The following PCNX2 variants were observed in gnomAD, a reference collection of about 807,000 sequenced individuals.
PCNX2 encodes pecanex-like protein 2.
A neutral mutation model predicts 223.8 loss-of-function variants in PCNX2; 168 were observed. The ratio of observed to expected loss-of-function variants is 0.75; its 90% CI spans 0.66 to 0.85. The LOEUF is 0.85. PCNX2 is among the 40% of genes least tolerant of loss of function. The pLI is 0.00. For missense variants in PCNX2, 2,507 were observed against 2,675.5 expected, an observed-to-expected ratio of 0.94 and a Z score of 1.39; for synonymous variants, 1,006 against 1,052.6, an observed-to-expected ratio of 0.96 and a Z score of 0.86.
At chr1:233,072,821 A>G (rs6684705) in intron 23 of PCNX2, among the ~76,000 whole-genome samples, 59,218 of 151,982 alleles carry the variant, frequency 0.39, 13,490 homozygotes, top group African/African-American at 0.63. Flanking sequence ...ATTCATAAGA[A>G]AAATTGGTCT....
At chr1:233,198,812 A>T in intron 15 of PCNX2, 127 bp downstream of exon 15, 2 of 962,368 alleles carry the variant, frequency 2.1e-6, no homozygotes, top group Non-Finnish European at 1.6e-6. Context: ...ACTCAGCCAC[A>T]CAGTCACTCC....
At chr1:233,318,165 C>T in the PCNX2 span, among the ~76,000 whole-genome samples, 6 of 152,154 alleles carry the variant, frequency 3.9e-5, no homozygotes, top group Non-Finnish European at 7.3e-5. Flanking sequence ...TCCTATTGAG[C>T]TACTAATAAT....
At chr1:233,023,843 A>G (rs961976510) in intron 26 of PCNX2, among the ~76,000 whole-genome samples, 2 of 152,228 alleles carry the variant, frequency 1.3e-5, no homozygotes, top group Non-Finnish European at 2.9e-5. Flanking sequence ...TTGTGTAGCA[A>G]TCACCTAGGG....
At chr1:233,216,999 G>GA (rs1370340242) in intron 12 of PCNX2, among the ~76,000 whole-genome samples, 1 of 152,140 alleles carries the variant, frequency 6.6e-6, no homozygotes, top group African/African-American at 2.4e-5. Context: ...CTTACATGTG[G>GA]AATCTAAAAA....
chr1:233,032,550 C>G (rs1228715659), intron 25 of PCNX2, among the ~76,000 whole-genome samples: 3 of 151,758 alleles, frequency 2.0e-5, no homozygotes, highest in Non-Finnish European at 4.4e-5. Context: ...TCCAGTTCTA[C>G]CATTTATCAC....
At position 233,258,559 on chromosome 1, in the gene PCNX2, G is replaced by T. The variant is rs1240888156; in HGVS notation, c.1303C>A (p.Leu435Met). 3.1e-6 allele frequency: 5 copies of T among 1,613,858 alleles called. No individual in the cohort carries two copies. Among genetic ancestry groups the T allele is most frequent in the Admixed American group, 3.3e-5 (2 of 60,006 alleles). ...QISIPVITLDLPEGGGGGVPC... is the reference protein window; with the variant it reads ...QISIPVITLDMPEGGGGGVPC... Reference sequence around the variant, plus strand: ...ACACCTCCTCCCCCACCCTCAGGCAGGTCCAGGGTGATTACAGGAATTGAG... The same window carrying T: ...ACACCTCCTCCCCCACCCTCAGGCATGTCCAGGGTGATTACAGGAATTGAG... Residue 435 changes from leucine to methionine, a missense_variant, in exon 5 of 34, where the codon CTG becomes ATG. Leu to Met is a conservative substitution (Grantham distance 15). Around this residue, in one of 3 missense-constraint regions of PCNX2, gnomAD observed 1,031 missense variants for 1,021.7 expected, o/e 1.01. Coordinates refer to ENST00000258229, the MANE Select transcript of PCNX2 (RefSeq NM_014801.4).
chr1:233,181,025 GCAC>G (rs1679766749), intron 15 of PCNX2: 1 of 152,128 alleles, frequency 6.6e-6, no homozygotes, highest in Non-Finnish European at 1.5e-5. Context: ...GAGGCATCCT[GCAC>G]GGACCTCTTC....
At chr1:233,173,971 AATC>A (rs1362838265) in intron 17 of PCNX2, among the ~76,000 whole-genome samples, 5 of 150,492 alleles carry the variant, frequency 3.3e-5, no homozygotes, top group African/African-American at 7.3e-5. Flanking sequence ...TACACATATA[AATC>A]ATCATTTTTT....
intron 1 of PCNX2, among the ~76,000 whole-genome samples, chr1:233,285,538 G>C (rs1455730135): frequency 6.6e-6 from 1 of 152,018 alleles, no homozygotes; most frequent in Non-Finnish European, 1.5e-5. Context: ...AGCCGGGCGT[G>C]GTGGTGCATG....
At chr1:233,176,968 T>C (rs928042805) in intron 17 of PCNX2, among the ~76,000 whole-genome samples, 1 of 151,988 alleles carries the variant, frequency 6.6e-6, no homozygotes, top group African/African-American at 2.4e-5. Context: ...GCCGAGATCA[T>C]GCCACTGCAC....
chr1:233,041,727 C>A (rs1671651845), intron 25 of PCNX2, among the ~76,000 whole-genome samples: 1 of 152,210 alleles, frequency 6.6e-6, no homozygotes, highest in Admixed American at 6.5e-5. Flanking sequence ...ACAGTTACCC[C>A]AGACACAGTA....
chr1:233,250,436 T>C (rs1659386246), intron 8 of PCNX2: 1 of 580,660 alleles, frequency 1.7e-6, no homozygotes, highest in African/African-American at 2.0e-5. Context: ...AATAATGTGT[T>C]TGAGAGCTGT....
upstream of PCNX2, among the ~76,000 whole-genome samples, chr1:233,296,243 CG>C (rs1662113725): frequency 6.6e-6 from 1 of 152,158 alleles, no homozygotes; most frequent in Non-Finnish European, 1.5e-5. Flanking sequence ...TGACCCCAGA[CG>C]TTCTATTAAT....
chr1:233,262,047 A>G lies in PCNX2; in HGVS notation c.478T>C (p.Leu160=), dbSNP rs752895048. The G allele has an allele frequency of 3.7e-6, 6 of 1,613,272 alleles. No homozygotes were observed. Among genetic ancestry groups the G allele is most frequent in the Admixed American group, 1.7e-5 (1 of 59,992 alleles). The change falls in exon 3 of 34, where the codon TTG becomes CTG. Residue 160 remains leucine, a splice_region_variant and synonymous_variant. Coordinates refer to ENST00000258229, the MANE Select transcript of PCNX2 (RefSeq NM_014801.4). ...SITSHHSSGP[L]ELSAQETVED... is the part of the protein sequence containing the mutation. ...AAACAGGAAAGAAGACCACTAACCA[A>G]TGGCCCAGAAGAGTGATGAGAGGTT...
At chr1:233,210,011 T>C (rs190213566) in intron 12 of PCNX2, among the ~76,000 whole-genome samples, 86 of 152,356 alleles carry the variant, frequency 5.6e-4, no homozygotes, top group Middle Eastern at 3.4e-3. Context: ...CTGATTTTTT[T>C]TCTTTGATTA....
intron 25 of PCNX2, among the ~76,000 whole-genome samples, chr1:233,043,977 C>A (rs1671738123): frequency 6.6e-6 from 1 of 151,828 alleles, no homozygotes; most frequent in African/African-American, 2.4e-5. Context: ...CCTGAGGAAT[C>A]CCCACACTGA....
chr1:233,231,013 T>C (rs962499268), intron 9 of PCNX2, among the ~76,000 whole-genome samples: 3 of 152,144 alleles, frequency 2.0e-5, no homozygotes, highest in Non-Finnish European at 4.4e-5. Flanking sequence ...CACCAACTAG[T>C]AAAGTCATAA....
At position 233,112,714 on chromosome 1, in the gene PCNX2, C is replaced by CGCCG; in HGVS notation, c.3838-16852_3838-16851insCGGC. On this transcript the variant is annotated intron_variant, in intron 21 of 33. Coordinates refer to ENST00000258229, the MANE Select transcript of PCNX2 (RefSeq NM_014801.4). ...GAATGTGTCTGTGTAGATCTTTGAA[C>CGCCG]AATATAACTAAATTCACATATTTAT... 14 of 617,988 alleles carry CGCCG rather than the reference C, an allele frequency of 2.3e-5. No homozygotes were observed. The South Asian group carries it at 3.0e-4, about 13-fold the overall frequency. 38.3% of individuals were successfully genotyped at this position (617,988 alleles called of 1,614,324 possible).
At chr1:233,093,844 T>C (rs1250540242) in intron 22 of PCNX2, among the ~76,000 whole-genome samples, 1 of 152,158 alleles carries the variant, frequency 6.6e-6, no homozygotes, top group Non-Finnish European at 1.5e-5. Flanking sequence ...CCCAATAAAA[T>C]CTGCATCTCG....
Sources: gnomAD v4.1 joint callset for allele counts (sites outside exome capture counted in the v4.1 genomes callset) on GRCh38, gnomAD v4.1.1 for gene constraint, gnomAD v4.1.1 regional missense constraint, MANE v1.5 for transcripts, NCBI Gene and HGNC (gene_info 2026-07-23, HGNC 2026-07-21) for gene names.